Variants in CRTC1 observed in about 807,000 individuals in gnomAD.
CRTC1 encodes CREB-regulated transcription coactivator 1.
A neutral mutation model predicts 66.1 loss-of-function variants in CRTC1; 18 were observed. The observed-to-expected ratio is 0.27, with a 90% CI of 0.19 to 0.40. CRTC1 has a LOEUF of 0.40. Ranked by LOEUF, CRTC1 falls within the 10% of genes least tolerant of loss-of-function variation. The pLI is 1.00. For missense variants in CRTC1, 669 were observed against 887.9 expected (o/e 0.75, Z 3.13); for synonymous variants, 416 against 398.8 (o/e 1.04, Z -0.51).
intron 4 of CRTC1, among the ~76,000 whole-genome samples, chr19:18,748,251 A>G (rs899452338): frequency 7.2e-5 from 11 of 151,810 alleles, no homozygotes; most frequent in African/African-American, 1.2e-4. Context: ...GTGTGTGTGT[A>G]TATAATTTTT....
chr19:18,759,224 A>G (rs1051520814), intron 6 of CRTC1, among the ~76,000 whole-genome samples: 1 of 152,190 alleles, frequency 6.6e-6, no homozygotes, highest in Admixed American at 6.5e-5. Flanking sequence ...ATAAAAATTT[A>G]AAAAGATCCA....
chr19:18,757,169 C>T (rs946277533), intron 6 of CRTC1, among the ~76,000 whole-genome samples: 4 of 152,134 alleles, frequency 2.6e-5, no homozygotes, highest in Admixed American at 1.3e-4. Flanking sequence ...GCCCCAGGGG[C>T]GGAAACGTGT....
intron 1 of CRTC1, among the ~76,000 whole-genome samples, chr19:18,725,652 G>A (rs1600852669): frequency 6.6e-6 from 1 of 152,190 alleles, no homozygotes; most frequent in African/African-American, 2.4e-5. Context: ...CGTCCTTGGC[G>A]CCAGCCCCTC....
At chr19:18,776,553 C>G (rs1256884640) in intron 13 of CRTC1, among the ~76,000 whole-genome samples, 1 of 152,224 alleles carries the variant, frequency 6.6e-6, no homozygotes, top group African/African-American at 2.4e-5. Flanking sequence ...TCCTTCCCAC[C>G]CCTCGGGTGT....
intron 1 of CRTC1, among the ~76,000 whole-genome samples, chr19:18,710,214 T>C (rs7257332): frequency 0.59 from 89,988 of 151,878 alleles, 28,274 homozygotes; most frequent in East Asian, 0.9. Flanking sequence ...CTCGGAAGTC[T>C]CCCACTTCCT....
chr19:18,761,280 T>C (rs1007885797), intron 8 of CRTC1, among the ~76,000 whole-genome samples: 6 of 152,160 alleles, frequency 3.9e-5, no homozygotes, highest in African/African-American at 1.4e-4. Context: ...TGCGTCCCCA[T>C]TGGCTGTGCA....
chr19:18,723,936 G>A (rs10405575), intron 1 of CRTC1, among the ~76,000 whole-genome samples: 5,452 of 152,322 alleles, frequency 0.036, 341 homozygotes, highest in African/African-American at 0.12. Flanking sequence ...CCGGGAGGGA[G>A]GATGCACGTT....
Position 18,720,526 on chromosome 19 carries a change from T to TG in CRTC1, c.127-22384_127-22383insG, listed in dbSNP as rs1600837051. 1.0e-4 allele frequency among the ~76,000 whole-genome samples: 4 copies of TG among 40,004 alleles called. No homozygotes were observed. In the African/African-American group the frequency reaches 1.0e-3, roughly 10 times the overall value. The allele number at this position is 40,004 out of a possible 152,430, so 26.2% of individuals were successfully genotyped here. On this transcript the variant is annotated intron_variant, in intron 1 of 13. Coordinates refer to ENST00000321949, the MANE Select transcript of CRTC1 (RefSeq NM_015321.3). Reference sequence around the variant, plus strand: ...CACCACGCCCGGCTAATTTTTAGTGTTTTTTTTTTTTTTTTTTTTTTAGCA... The same window carrying TG: ...CACCACGCCCGGCTAATTTTTAGTGTGTTTTTTTTTTTTTTTTTTTTTAGCA...
Position 18,777,094 on chromosome 19 carries a change from A to G in CRTC1, c.1694-77A>G. 2.4e-6 allele frequency: 2 copies of G among 825,918 alleles called. No homozygotes were observed. The highest frequency in any genetic ancestry group is 1.5e-5 in the South Asian group (1 of 66,934). 51.2% of individuals were successfully genotyped at this position (825,918 alleles called of 1,614,324 possible). ...CAGGGGACAGAGTCGCCCGGCGGGC[A>G]TGCCTGGTCCGACACATGGATGCGA... On this transcript the variant is annotated intron_variant, in intron 13 of 13. Transcript: ENST00000321949. This position sits in a 1 kb window ranked among gnomAD's most constrained non-coding sequence, Gnocchi z 5.5.
chr19:18,691,991 GTGT>G (rs1229102160), intron 1 of CRTC1, among the ~76,000 whole-genome samples: 5 of 152,056 alleles, frequency 3.3e-5, no homozygotes, highest in Non-Finnish European at 7.4e-5. Context: ...GGGATTACAG[GTGT>G]GAGCCACCGC....
chr19:18,684,114 A>G (rs1600727359), intron 1 of CRTC1, among the ~76,000 whole-genome samples: 1 of 151,740 alleles, frequency 6.6e-6, no homozygotes. Flanking sequence ...CTAGGAGGGA[A>G]CAGGTGCTAG....
intron 1 of CRTC1, among the ~76,000 whole-genome samples, chr19:18,709,394 G>T (rs115105855): frequency 2.0e-5 from 3 of 152,214 alleles, no homozygotes; most frequent in Non-Finnish European, 4.4e-5. Context: ...CAGCAGGGGG[G>T]TGTGGCTCCT....
chr19:18,747,443 C>A (rs2054271798), intron 4 of CRTC1, among the ~76,000 whole-genome samples: 1 of 152,128 alleles, frequency 6.6e-6, no homozygotes, highest in Admixed American at 6.5e-5. Flanking sequence ...TTGAGACCAG[C>A]CTGGCCAACA....
intron 1 of CRTC1, among the ~76,000 whole-genome samples, chr19:18,686,073 C>T (rs1031875682): frequency 3.9e-5 from 6 of 151,988 alleles, no homozygotes; most frequent in Admixed American, 6.6e-5. Context: ...AAAGAAACCC[C>T]GTCCCCATTA....
chr19:18,725,981 T>A (rs1205669050), intron 1 of CRTC1, among the ~76,000 whole-genome samples: 1 of 152,198 alleles, frequency 6.6e-6, no homozygotes, highest in Non-Finnish European at 1.5e-5. Flanking sequence ...CATGCAGATC[T>A]GCAGTAAAGA....
At chr19:18,693,545 G>A (rs1221170747) in intron 1 of CRTC1, among the ~76,000 whole-genome samples, 1 of 144,304 alleles carries the variant, frequency 6.9e-6, no homozygotes, top group South Asian at 2.2e-4. Flanking sequence ...GCAGCGGTGT[G>A]ATCTCAGCTC....
At chr19:18,738,842 G>A (rs541894364) in intron 1 of CRTC1, among the ~76,000 whole-genome samples, 2 of 152,348 alleles carry the variant, frequency 1.3e-5, no homozygotes, top group African/African-American at 4.8e-5. Flanking sequence ...AGGCTGGTGC[G>A]ATTGTGACTT....
chr19:18,747,951 C>A (rs886676748), intron 4 of CRTC1, among the ~76,000 whole-genome samples: 3 of 152,020 alleles, frequency 2.0e-5, no homozygotes, highest in African/African-American at 7.2e-5. Flanking sequence ...GTAGTGCACG[C>A]CTGTACTCCC....
chr19:18,761,185 C>T (rs766965806), intron 8 of CRTC1, among the ~76,000 whole-genome samples: 13 of 152,216 alleles, frequency 8.5e-5, no homozygotes, highest in African/African-American at 1.2e-4. Flanking sequence ...TTGGCAAGGC[C>T]GTCCCGGCCC....
Sources: allele counts gnomAD v4.1 joint callset (sites outside exome capture counted in the v4.1 genomes callset), GRCh38; gene constraint gnomAD v4.1.1; non-coding constraint Gnocchi (gnomAD v3.1); transcripts MANE v1.5; gene names NCBI Gene and HGNC (gene_info 2026-07-23, HGNC 2026-07-21).